The following AFF2 variants were observed in gnomAD, a reference collection of about 807,000 sequenced individuals.
AFF2 encodes the protein AF4/FMR2 family member 2.
Under a neutral mutation model 76.9 loss-of-function variants are expected in AFF2, and 14 were observed. The ratio of observed to expected loss-of-function variants is 0.18; its 90% confidence interval spans 0.12 to 0.28. AFF2 has a LOEUF of 0.28. AFF2 is among the 10% of genes least tolerant of loss of function. AFF2 has a pLI of 1.00. For missense variants in AFF2, 868 were observed against 1,001.1 expected (o/e 0.87, Z 1.79); for synonymous variants, 398 against 366.7 (o/e 1.09, Z -0.98).
In AFF2 at chrX:148,955,766, C is replaced by T. The variant is rs200099351; in HGVS notation, c.1721C>T (p.Thr574Met). Residue 574 changes from threonine (T) to methionine (M), a missense_variant, in exon 11 of 21, where the codon ACG becomes ATG. Transcript: ENST00000370460. The part of the protein sequence containing the change: ...QPMEVQMKVK[T>M]NASQVPAEPK... Reference sequence around the variant, plus strand: ...ATGGAAGTCCAGATGAAAGTGAAGACGAATGCCAGTCAGGTCCCAGCTGAA... The same window carrying T: ...ATGGAAGTCCAGATGAAAGTGAAGATGAATGCCAGTCAGGTCCCAGCTGAA... 119 of 1,209,937 alleles carry T rather than the reference C, an allele frequency of 9.8e-5. No individual in the cohort carries two copies. Among genetic ancestry groups the T allele is most frequent in the African/African-American group, 1.9e-4 (11 of 57,124 alleles).
intron 1 of AFF2, among the ~76,000 whole-genome samples, chrX:148,555,223 T>G (rs782466267): frequency 8.9e-6 from 1 of 112,373 alleles, no homozygotes; most frequent in South Asian, 3.7e-4. Flanking sequence ...TGTGTGGAAC[T>G]GAACTCAAGC....
chrX:148,704,364 GTGTGTAT>G lies in AFF2; in HGVS notation c.1041+41597_1041+41603del, dbSNP rs1569553735. Among the ~76,000 whole-genome samples, 16 of 10,593 alleles carry G rather than the reference GTGTGTAT, an allele frequency of 1.5e-3. 1 individual carries two copies. The highest frequency in any genetic ancestry group is 5.4e-3 in the Admixed American group (3 of 554). 9.2% of individuals were successfully genotyped at this position (10,593 alleles called of 115,157 possible). Reference sequence around the variant, plus strand: ...TGTATATATATATTTATATATATATGTGTGTATATATATATTTATATATATGTGTAGA... The same window carrying G: ...TGTATATATATATTTATATATATATGATATATATTTATATATATGTGTAGA... On this transcript the variant is annotated intron_variant, in intron 3 of 20. Coordinates refer to ENST00000370460, the MANE Select transcript of AFF2 (RefSeq NM_002025.4).
chrX:148,622,615 C>T (rs938217081), intron 1 of AFF2, among the ~76,000 whole-genome samples: 1 of 111,834 alleles, frequency 8.9e-6, no homozygotes, highest in African/African-American at 3.3e-5. Context: ...CCATCACAAG[C>T]ACCTACTCTA....
chrX:148,521,367 C>A (rs1225532983), intron 1 of AFF2, among the ~76,000 whole-genome samples: 1 of 90,277 alleles, frequency 1.1e-5, no homozygotes, highest in Non-Finnish European at 2.1e-5. Flanking sequence ...CTGAAAAGCA[C>A]GTGCATGCAC....
intron 1 of AFF2, among the ~76,000 whole-genome samples, chrX:148,592,138 G>T (rs1286579792): frequency 8.9e-6 from 1 of 111,881 alleles, no homozygotes; most frequent in Non-Finnish European, 1.9e-5. Context: ...TGATCAGGCT[G>T]ATTATGAAAA....
intron 15 of AFF2, among the ~76,000 whole-genome samples, chrX:148,970,929 CT>C (rs782313682): frequency 4.0e-4 from 45 of 111,473 alleles, no homozygotes; most frequent in African/African-American, 1.3e-3. Flanking sequence ...CTATAGGACA[CT>C]ACAATGAGCA....
At chrX:148,522,816 G>A (rs782809071) in intron 1 of AFF2, among the ~76,000 whole-genome samples, 41 of 111,917 alleles carry the variant, frequency 3.7e-4, no homozygotes, top group Non-Finnish European at 6.0e-4. Context: ...ATATTTATAC[G>A]TTCATTTCTT....
intron 3 of AFF2, among the ~76,000 whole-genome samples, chrX:148,758,408 A>C (rs1307639270): frequency 8.9e-6 from 1 of 112,648 alleles, no homozygotes; most frequent in Non-Finnish European, 1.9e-5. Context: ...CTTTTTTAAA[A>C]TAAAAGTGAT....
At chrX:148,962,682 T>A in intron 12 of AFF2, 33 bp from the exon 13 acceptor site, 1 of 1,133,765 alleles carries the variant, frequency 8.8e-7, no homozygotes, top group Non-Finnish European at 1.2e-6. Context: ...GAGAGAAGAC[T>A]TTATGACACC....
intron 8 of AFF2, among the ~76,000 whole-genome samples, chrX:148,895,176 G>A (rs995814004): frequency 2.7e-5 from 3 of 111,382 alleles, no homozygotes; most frequent in African/African-American, 9.8e-5. Flanking sequence ...AGGCAAAGCT[G>A]AAATTGCTTA....
chrX:148,665,617 T>C (rs1407912113), intron 3 of AFF2, among the ~76,000 whole-genome samples: 1 of 111,522 alleles, frequency 9.0e-6, no homozygotes, highest in Admixed American at 9.5e-5. Context: ...CAGATTAAAA[T>C]GCGGGCATAA....
intron 9 of AFF2, among the ~76,000 whole-genome samples, chrX:148,952,542 T>C: frequency 9.0e-6 from 1 of 111,317 alleles, no homozygotes; most frequent in Non-Finnish European, 1.9e-5. Context: ...CCCCCAAATT[T>C]AGAGACCCAT....
At chrX:148,973,334 C>A in intron 15 of AFF2, 137 bp from the exon 16 acceptor site, 1 of 778,144 alleles carries the variant, frequency 1.3e-6, no homozygotes. Flanking sequence ...CCAGGGGTGA[C>A]AACTGAAAGT....
rs1235062434 is a variant in AFF2, at chrX:148,984,010, A to G, written c.3623+3220A>G. On this transcript the variant is annotated intron_variant, in intron 19 of 20. Coordinates refer to ENST00000370460, the MANE Select transcript of AFF2 (RefSeq NM_002025.4). ...CACATTCTGTTGAAGGAGAAAGATA[A>G]CAACAAACATGTGGCATACTAGGTT... Among the ~76,000 whole-genome samples the G allele has an allele frequency of 6.1e-5, 6 of 98,086 alleles. No homozygotes were observed. The Admixed American group carries it at 7.5e-4, about 12-fold the overall frequency. 85.2% of individuals were successfully genotyped at this position (98,086 alleles called of 115,157 possible). A position where few individuals can be genotyped will look rare whatever the true frequency, so the allele number is the denominator to read the frequency against.
chrX:148,792,656 G>C (rs1557270040), intron 3 of AFF2, among the ~76,000 whole-genome samples: 1 of 111,918 alleles, frequency 8.9e-6, no homozygotes, highest in African/African-American at 3.3e-5. Context: ...TGCCCTGGAG[G>C]CATTTGTGAA....
intron 3 of AFF2, among the ~76,000 whole-genome samples, chrX:148,779,550 A>G (rs2069713178): frequency 9.1e-6 from 1 of 110,292 alleles, no homozygotes; most frequent in African/African-American, 3.4e-5. Context: ...ATATATATTT[A>G]GGATAGTTAG....
At chrX:148,649,197 T>G (rs1287255387) in intron 1 of AFF2, among the ~76,000 whole-genome samples, 1 of 112,005 alleles carries the variant, frequency 8.9e-6, no homozygotes, top group Admixed American at 9.4e-5. Flanking sequence ...CATAAGAAAT[T>G]TAATTGAGTA....
intron 3 of AFF2, among the ~76,000 whole-genome samples, chrX:148,777,047 G>A (rs1314126320): frequency 9.0e-6 from 1 of 111,680 alleles, no homozygotes; most frequent in Admixed American, 9.5e-5. Context: ...GTTTAAGGAA[G>A]GGGGACCAGT....
At chrX:148,752,124 A>G (rs1462273432) in intron 3 of AFF2, among the ~76,000 whole-genome samples, 4 of 111,316 alleles carry the variant, frequency 3.6e-5, no homozygotes, top group Non-Finnish European at 7.5e-5. Flanking sequence ...TTCTAATACC[A>G]TAGTATTGAG....
Sources: allele counts gnomAD v4.1 joint callset (sites outside exome capture counted in the v4.1 genomes callset), GRCh38; gene constraint gnomAD v4.1.1; transcripts MANE v1.5; gene names NCBI Gene and HGNC (gene_info 2026-07-23, HGNC 2026-07-21).